The following NAA25 variants were observed in gnomAD, a reference collection of about 807,000 sequenced individuals.
The protein encoded by NAA25 is N-terminal acetyltransferase B complex subunit NAA25.
Under a neutral mutation model 132.5 loss-of-function variants are expected in NAA25, and 30 were observed. That is an observed-to-expected ratio of 0.23 (90% confidence interval 0.17 to 0.31). NAA25 has a LOEUF of 0.31. NAA25 is among the 10% of genes least tolerant of loss of function. The pLI, the probability that NAA25 is intolerant of heterozygous loss-of-function variation, is 1.00. For missense variants in NAA25, 771 were observed against 1,150.4 expected, an observed-to-expected ratio of 0.67 and a Z score of 4.77; for synonymous variants, 359 against 401.9, an observed-to-expected ratio of 0.89 and a Z score of 1.28.
chr12:112,086,782 C>T (rs1026803561), intron 4 of NAA25, among the ~76,000 whole-genome samples: 11 of 151,964 alleles, frequency 7.2e-5, no homozygotes, highest in South Asian at 2.1e-4. Context: ...GAGGCCGAGG[C>T]GGGCAGATCA....
Position 112,071,921 on chromosome 12 carries a change from T to C in NAA25, c.1010A>G (p.Gln337Arg), listed in dbSNP as rs2078815829. ...CAGTTTGTACTCATCGTTACAACCT[T>C]GACTTCGTAAACGCCTAATCAGCTC... The part of the protein sequence containing the change: ...KLELIRRLRS[Q>R]GCNDEYKLGD... The change falls in exon 10 of 24, where the codon CAA becomes CGA. Residue 337 changes from glutamine to arginine, a missense_variant. Gln to Arg is a conservative substitution (Grantham distance 43). Coordinates refer to ENST00000261745, the MANE Select transcript of NAA25 (RefSeq NM_024953.4). The C allele has an allele frequency of 6.2e-7, 1 of 1,613,392 alleles. No homozygotes were observed. The highest frequency in any genetic ancestry group is 8.5e-7 in the Non-Finnish European group (1 of 1,179,742).
intron 1 of NAA25, among the ~76,000 whole-genome samples, chr12:112,107,250 A>C (rs2079375810): frequency 6.6e-6 from 1 of 151,958 alleles, no homozygotes; most frequent in African/African-American, 2.4e-5. Flanking sequence ...ACAGAGTGAG[A>C]CTCATCTCAA....
chr12:112,052,530 C>T (rs1486314857), intron 15 of NAA25, among the ~76,000 whole-genome samples: 2 of 152,184 alleles, frequency 1.3e-5, no homozygotes, highest in African/African-American at 4.8e-5. Context: ...GCTACTCCAG[C>T]CCTCTAGGCC....
chr12:112,068,780 T>G, intron 11 of NAA25, 100 bp downstream of exon 11: 2 of 660,068 alleles, frequency 3.0e-6, no homozygotes, highest in Non-Finnish European at 5.3e-6. Flanking sequence ...ATCTCATGAT[T>G]ATCAATTCCG....
At chr12:112,080,408 A>G (rs2078956189) in intron 5 of NAA25, among the ~76,000 whole-genome samples, 1 of 152,006 alleles carries the variant, frequency 6.6e-6, no homozygotes, top group Admixed American at 6.6e-5. Context: ...ACAGAGGCTC[A>G]TGCCTGTAAT....
chr12:112,084,549 G>A (rs2079016607), intron 4 of NAA25, among the ~76,000 whole-genome samples: 2 of 152,194 alleles, frequency 1.3e-5, no homozygotes, highest in African/African-American at 4.8e-5. Context: ...CCAGCACTTT[G>A]GGAGGCCAAG....
Position 112,098,057 on chromosome 12 carries a change from G to A in NAA25, c.59-4921C>T, listed in dbSNP as rs915361802. Reference sequence around the variant, plus strand: ...AATCACTTGAACCCGGGAGGCGGAGGTTGCAATGAGCTGAGATTGTGCCAC... The same window carrying A: ...AATCACTTGAACCCGGGAGGCGGAGATTGCAATGAGCTGAGATTGTGCCAC... On this transcript the variant is annotated intron_variant, in intron 1 of 23. Transcript: ENST00000261745. Among the ~76,000 whole-genome samples the A allele has an allele frequency of 5.7e-5, 8 of 140,008 alleles. No individual in the cohort carries two copies. In the Admixed American group the frequency reaches 6.2e-4, roughly 11 times the overall value. The allele number at this position is 140,008 out of a possible 152,430, so 91.9% of individuals were successfully genotyped here.
At chr12:112,093,537 C>T (rs569969906) in intron 1 of NAA25, among the ~76,000 whole-genome samples, 96 of 151,062 alleles carry the variant, frequency 6.4e-4, no homozygotes, top group African/African-American at 2.1e-3. Flanking sequence ...TGACACCCTG[C>T]CTCAGAAAAA....
Position 112,078,757 on chromosome 12 carries a change from TAATGTTTC to T in NAA25, c.478-24_478-17del. 1 of 1,591,328 alleles carries T rather than the reference TAATGTTTC, an allele frequency of 6.3e-7. No individual in the cohort carries two copies. The highest frequency in any genetic ancestry group is 8.6e-7 in the Non-Finnish European group (1 of 1,160,670). Reference sequence around the variant, plus strand: ...CCGATATAGACTGAAAGAAGAAAAATAATGTTTCATTCTAATTCTCCCCTGCTTGCACT... The same window carrying T: ...CCGATATAGACTGAAAGAAGAAAAATATTCTAATTCTCCCCTGCTTGCACT... On this transcript the variant is annotated splice_polypyrimidine_tract_variant and intron_variant, in intron 5 of 23. Coordinates refer to ENST00000261745, the MANE Select transcript of NAA25 (RefSeq NM_024953.4).
At chr12:112,078,426 C>A (rs994849638) in intron 6 of NAA25, among the ~76,000 whole-genome samples, 160 bp from the exon 7 acceptor site, 1 of 152,190 alleles carries the variant, frequency 6.6e-6, no homozygotes, top group African/African-American at 2.4e-5. Flanking sequence ...ATCTATATCT[C>A]TCCCGTCTAT....
intron 2 of NAA25, among the ~76,000 whole-genome samples, chr12:112,092,065 C>T (rs2079138793): frequency 6.6e-6 from 1 of 151,832 alleles, no homozygotes; most frequent in South Asian, 2.1e-4. Flanking sequence ...ACGGTGAAAC[C>T]CCGTCTCTAC....
At chr12:112,072,965 G>A (rs889821869) in intron 9 of NAA25, among the ~76,000 whole-genome samples, 1 of 151,850 alleles carries the variant, frequency 6.6e-6, no homozygotes, top group African/African-American at 2.4e-5. Flanking sequence ...CAGGCACGGT[G>A]GCTCACACCT....
At chr12:112,041,680 C>A (rs1308783763) in intron 20 of NAA25, among the ~76,000 whole-genome samples, 1 of 152,008 alleles carries the variant, frequency 6.6e-6, no homozygotes, top group African/African-American at 2.4e-5. Flanking sequence ...AACTCATATA[C>A]ATAATATGTC....
intron 9 of NAA25, 117 bp downstream of exon 9, chr12:112,074,558 T>C: frequency 1.8e-6 from 1 of 564,962 alleles, no homozygotes. Flanking sequence ...AATGTCTTAC[T>C]TTGAAAGGAA....
chr12:112,075,797 CA>C lies in NAA25; in HGVS notation c.665-9del, dbSNP rs768910748. 1 of 1,610,540 alleles carries C rather than the reference CA, an allele frequency of 6.2e-7. No individual in the cohort carries two copies. Among genetic ancestry groups the C allele is most frequent in the African/African-American group, 1.3e-5 (1 of 74,860 alleles). On this transcript the variant is annotated splice_polypyrimidine_tract_variant and intron_variant, in intron 7 of 23. Coordinates refer to ENST00000261745, the MANE Select transcript of NAA25 (RefSeq NM_024953.4). The stretch of plus-strand genomic sequence containing the variant: ...TCTCACTTGTCAACTTCTCTAAAAT[CA>C]AAAGTTATAAAAGTTGGTAAGCTGG...
At chr12:112,032,193 C>T (rs2078158903) in intron 23 of NAA25, among the ~76,000 whole-genome samples, 1 of 152,058 alleles carries the variant, frequency 6.6e-6, no homozygotes, top group Non-Finnish European at 1.5e-5. Context: ...GTCTCCATCT[C>T]CTGACTTCGT....
intron 1 of NAA25, among the ~76,000 whole-genome samples, chr12:112,101,453 GATATAT>G (rs559380415): frequency 6.6e-6 from 1 of 151,874 alleles, no homozygotes; most frequent in African/African-American, 2.4e-5. Flanking sequence ...AAAAATGAAA[GATATAT>G]ATATAAGATA....
chr12:112,091,244 GA>G (rs754405360), intron 2 of NAA25, among the ~76,000 whole-genome samples: 2,685 of 131,184 alleles, frequency 0.02, 63 homozygotes, highest in African/African-American at 0.066. Context: ...ATCCTGTCTC[GA>G]AAAAAAAAAA....
chr12:112,092,623 T>C (rs1051925643), intron 2 of NAA25, among the ~76,000 whole-genome samples: 1 of 151,618 alleles, frequency 6.6e-6, no homozygotes, highest in African/African-American at 2.4e-5. Context: ...TGAAACTCCA[T>C]CTCAAAAACA....
Sources: allele counts gnomAD v4.1 joint callset (sites outside exome capture counted in the v4.1 genomes callset), GRCh38; gene constraint gnomAD v4.1.1; transcripts MANE v1.5; gene names NCBI Gene and HGNC (gene_info 2026-07-23, HGNC 2026-07-21).